Variants in NKAIN3 observed in about 807,000 individuals in gnomAD.
NKAIN3 encodes the protein sodium/potassium-transporting ATPase subunit beta-1-interacting protein 3.
NKAIN3 carries 25 observed loss-of-function variants against 30.2 expected under a neutral mutation model. The ratio of observed to expected loss-of-function variants is 0.83; its 90% CI spans 0.60 to 1.16. NKAIN3 has a LOEUF of 1.16. Ranked by LOEUF, NKAIN3 falls within the 50% of genes most tolerant of loss-of-function variation. The probability of loss-of-function intolerance (pLI) is 0.00; values close to 1 mark genes in which losing one functional copy is unlikely to be tolerated. For missense variants in NKAIN3, 225 were observed against 254.1 expected (o/e 0.89, Z 0.78); for synonymous variants, 91 against 89.6 (o/e 1.02, Z -0.09).
At chr8:62,523,579 A>G (rs1280330690) in intron 1 of NKAIN3, among the ~76,000 whole-genome samples, 1 of 152,156 alleles carries the variant, frequency 6.6e-6, no homozygotes, top group Non-Finnish European at 1.5e-5. Context: ...ACTGTTGTAT[A>G]CCAGAAATCA....
chr8:62,935,386 G>A (rs1400735750), intron 5 of NKAIN3, among the ~76,000 whole-genome samples: 3 of 152,094 alleles, frequency 2.0e-5, no homozygotes, highest in Middle Eastern at 3.2e-3. Context: ...CATGCTTTCT[G>A]TGTGCTGGCA....
intron 4 of NKAIN3, among the ~76,000 whole-genome samples, chr8:62,747,868 A>G (rs1250867727): frequency 6.6e-6 from 1 of 152,190 alleles, no homozygotes; most frequent in Non-Finnish European, 1.5e-5. Context: ...CTTCACATAA[A>G]CCAACCATCT....
chr8:62,704,698 G>A (rs529506502), intron 3 of NKAIN3, among the ~76,000 whole-genome samples: 35 of 152,278 alleles, frequency 2.3e-4, no homozygotes, highest in African/African-American at 8.4e-4. Flanking sequence ...CAAAAGCCAG[G>A]ATTCCTCCTT....
chr8:62,768,924 GT>G (rs1446741292), intron 4 of NKAIN3, among the ~76,000 whole-genome samples: 1 of 152,060 alleles, frequency 6.6e-6, no homozygotes, highest in Non-Finnish European at 1.5e-5. Context: ...AAAAGTTATG[GT>G]TCCAAAGACT....
At chr8:62,543,021 C>T (rs1585926280) in intron 1 of NKAIN3, among the ~76,000 whole-genome samples, 1 of 152,204 alleles carries the variant, frequency 6.6e-6, no homozygotes, top group Non-Finnish European at 1.5e-5. Flanking sequence ...GAAAGAGGTG[C>T]CATGTAAGTA....
At chr8:62,752,983 T>C (rs1041067805) in intron 4 of NKAIN3, among the ~76,000 whole-genome samples, 13 of 152,194 alleles carry the variant, frequency 8.5e-5, no homozygotes, top group Admixed American at 2.0e-4. Flanking sequence ...TGCTCCAAGA[T>C]TGTAACTCTA....
At chr8:62,880,919 C>T (rs1820956975) in intron 4 of NKAIN3, among the ~76,000 whole-genome samples, 1 of 152,124 alleles carries the variant, frequency 6.6e-6, no homozygotes, top group African/African-American at 2.4e-5. Flanking sequence ...ATGCCATATA[C>T]CCACTCCCCA....
At chr8:62,281,279 G>C (rs1489743348) in intron 1 of NKAIN3, among the ~76,000 whole-genome samples, 1 of 151,464 alleles carries the variant, frequency 6.6e-6, no homozygotes, top group Non-Finnish European at 1.5e-5. Context: ...TTCTTTATTA[G>C]TCTTGCTAGC....
intron 5 of NKAIN3, among the ~76,000 whole-genome samples, chr8:62,939,567 C>A (rs62508082): frequency 0.071 from 10,741 of 152,110 alleles, 376 homozygotes; most frequent in South Asian, 0.13. Flanking sequence ...CAGCAGAAAC[C>A]CTACAAGCTA....
intron 4 of NKAIN3, chr8:62,856,399 T>A: frequency 7.4e-6 from 6 of 809,528 alleles, no homozygotes; most frequent in Non-Finnish European, 1.3e-5. Context: ...TTCCTCAAAG[T>A]GAACCCTGAG....
intron 5 of NKAIN3, among the ~76,000 whole-genome samples, chr8:62,922,272 T>C (rs886689665): frequency 6.6e-6 from 1 of 152,206 alleles, no homozygotes; most frequent in African/African-American, 2.4e-5. Flanking sequence ...CTAATGTTCA[T>C]GTATTTACCT....
chr8:62,523,262 G>T (rs540219174), intron 1 of NKAIN3, among the ~76,000 whole-genome samples: 15 of 152,130 alleles, frequency 9.9e-5, no homozygotes, highest in Non-Finnish European at 1.9e-4. Context: ...TGTGCAGCAG[G>T]CTATACCATC....
chr8:62,369,549 C>T (rs1424331603), intron 1 of NKAIN3, among the ~76,000 whole-genome samples: 1 of 152,054 alleles, frequency 6.6e-6, no homozygotes, highest in African/African-American at 2.4e-5. Context: ...ATACTACCAT[C>T]TACAACACCT....
rs535856110 is a variant in NKAIN3 at position 62,582,165 on chromosome 8, C to G, written c.192+2489C>G. On this transcript the variant is annotated intron_variant, in intron 2 of 6. Coordinates refer to ENST00000623646, the MANE Select transcript of NKAIN3 (RefSeq NM_001304533.3). ...TTCCTTCCTTCTTCTTTCCCTTCCTCTCCCCATCCTCTTTCCTTTACTCAC... is the reference window on the plus strand; with the variant it reads ...TTCCTTCCTTCTTCTTTCCCTTCCTGTCCCCATCCTCTTTCCTTTACTCAC... Among the ~76,000 whole-genome samples, 19 of 149,588 alleles carry G rather than the reference C, an allele frequency of 1.3e-4. No individual in the cohort carries two copies. The South Asian group carries it at 3.8e-3, about 30-fold the overall frequency.
intron 1 of NKAIN3, among the ~76,000 whole-genome samples, chr8:62,268,431 G>C (rs1488203758): frequency 6.6e-6 from 1 of 152,042 alleles, no homozygotes; most frequent in East Asian, 1.9e-4. Context: ...CTATCCTCTG[G>C]GGGGACACCT....
At chr8:62,631,951 T>G (rs1467303506) in intron 3 of NKAIN3, among the ~76,000 whole-genome samples, 1 of 152,190 alleles carries the variant, frequency 6.6e-6, no homozygotes, top group African/African-American at 2.4e-5. Flanking sequence ...AATGTCTGAT[T>G]CAAGTTAGGC....
rs539527363 is a variant in NKAIN3 at position 62,535,340 on chromosome 8, A to G, written c.55-44199A>G. Among the ~76,000 whole-genome samples the G allele has an allele frequency of 5.9e-5, 9 of 152,256 alleles. No homozygotes were observed. In the East Asian group the frequency reaches 1.4e-3, roughly 23 times the overall value. On this transcript the variant is annotated intron_variant, in intron 1 of 6. Transcript: ENST00000623646. ...ATGTGTGGGGTGTTTTTCCCCACAC[A>G]CCAAGCAGTGAACACCAGCTGGGTG...
At chr8:62,311,366 G>T (rs1299997767) in intron 1 of NKAIN3, among the ~76,000 whole-genome samples, 3 of 150,420 alleles carry the variant, frequency 2.0e-5, no homozygotes, top group Non-Finnish European at 4.4e-5. Context: ...CATGGCCTCA[G>T]TTAGTCCTCA....
intron 1 of NKAIN3, among the ~76,000 whole-genome samples, chr8:62,328,402 T>C (rs1029381648): frequency 1.3e-5 from 2 of 152,148 alleles, no homozygotes; most frequent in Non-Finnish European, 2.9e-5. Flanking sequence ...TGTTGTAAAA[T>C]ACCTATAATG....
Sources: gnomAD v4.1 joint callset for allele counts (sites outside exome capture counted in the v4.1 genomes callset) on GRCh38, gnomAD v4.1.1 for gene constraint, MANE v1.5 for transcripts, NCBI Gene and HGNC (gene_info 2026-07-23, HGNC 2026-07-21) for gene names.